STK32C: variants seen among roughly 807,000 people sequenced by gnomAD.
The protein encoded by STK32C is serine/threonine-protein kinase 32C.
Under a neutral mutation model 56.5 loss-of-function variants are expected in STK32C, and 31 were observed. The ratio of observed to expected loss-of-function variants is 0.55; its 90% CI spans 0.41 to 0.74. STK32C has a LOEUF of 0.74. Among genes scored for constraint, STK32C ranks in the 30% least tolerant of loss-of-function variants. STK32C has a pLI of 0.00. For synonymous variants in STK32C, 309 were observed against 289.4 expected (o/e 1.07, Z -0.69); for missense variants, 544 against 676.9 (o/e 0.80, Z 2.18).
At chr10:132,242,203 C>A (rs528871413) in intron 2 of STK32C, among the ~76,000 whole-genome samples, 1 of 152,186 alleles carries the variant, frequency 6.6e-6, no homozygotes, top group East Asian at 1.9e-4. Context: ...TGCAGACGGC[C>A]TTCAAGCATG....
intron 1 of STK32C, among the ~76,000 whole-genome samples, chr10:132,268,560 TGCCTGC>T (rs2064687839): frequency 2.8e-5 from 4 of 141,996 alleles, no homozygotes; most frequent in South Asian, 2.3e-4. Flanking sequence ...TGTGTGTGTG[TGCCTGC>T]GTGTGTACAT....
chr10:132,252,953 G>A (rs1244526656), intron 1 of STK32C, among the ~76,000 whole-genome samples: 1 of 152,106 alleles, frequency 6.6e-6, no homozygotes, highest in African/African-American at 2.4e-5. Context: ...CACCTCCCAC[G>A]GTGTCCGGCA....
intron 8 of STK32C, 57 bp downstream of exon 8, chr10:132,224,350 A>T: frequency 1.5e-6 from 2 of 1,310,598 alleles, no homozygotes; most frequent in Non-Finnish European, 2.1e-6. Context: ...GCCGCAGGTA[A>T]GTGAGGGAGG....
At chr10:132,261,959 C>T (rs2064318852) in intron 1 of STK32C, among the ~76,000 whole-genome samples, 1 of 152,082 alleles carries the variant, frequency 6.6e-6, no homozygotes, top group African/African-American at 2.4e-5. Flanking sequence ...AATTCACATG[C>T]AACCAAAAAT....
chr10:132,208,032 C>G lies in STK32C; in HGVS notation c.1439G>C (p.Cys480Ser). The G allele has an allele frequency of 7.6e-7, 1 of 1,310,528 alleles. No homozygotes were observed. Among genetic ancestry groups the G allele is most frequent in the Non-Finnish European group, 9.8e-7 (1 of 1,022,234 alleles). The allele number at this position is 1,310,528 out of a possible 1,614,324, so 81.2% of individuals were successfully genotyped here. A position where few individuals can be genotyped will look rare whatever the true frequency, so the allele number is the denominator to read the frequency against. ...GGCCTAGCCGCTCCCGGCCGAGGGG[C>G]AAATGGGGCCGCACATGGGCAGGGC... Reference protein sequence around the residue: ...RSALPMCGPICPSAGSG With the variant: ...RSALPMCGPISPSAGSG The change falls in exon 12 of 12, where the codon TGC (cysteine) becomes TCC (serine). Residue 480 changes from cysteine (C) to serine (S), a missense_variant. Cys to Ser is a moderately radical substitution (Grantham distance 112). Around this residue, in one of 3 missense-constraint regions of STK32C, gnomAD observed 277 missense variants for 309.3 expected, o/e 0.90. Coordinates refer to ENST00000298630, the MANE Select transcript of STK32C (RefSeq NM_173575.4).
chr10:132,223,863 C>T (rs955937340), intron 8 of STK32C, among the ~76,000 whole-genome samples: 5 of 152,224 alleles, frequency 3.3e-5, no homozygotes, highest in Non-Finnish European at 7.3e-5. Flanking sequence ...CCAGTCAAGG[C>T]ACAGCCCCAG....
At chr10:132,261,519 C>T (rs965527261) in intron 1 of STK32C, among the ~76,000 whole-genome samples, 7 of 152,224 alleles carry the variant, frequency 4.6e-5, no homozygotes, top group Non-Finnish European at 5.9e-5. Flanking sequence ...AATCCCAGCA[C>T]TTTGGGAGGC....
upstream of STK32C, among the ~76,000 whole-genome samples, chr10:132,311,925 C>T (rs1417881742): frequency 6.6e-6 from 1 of 152,166 alleles, no homozygotes; most frequent in Non-Finnish European, 1.5e-5. The surrounding 1 kb of genome is among the most constrained non-coding windows in gnomAD (Gnocchi z 4.4). Flanking sequence ...TAACCCACCA[C>T]ATCCATGGGC....
rs574218921 is a variant in STK32C, at chr10:132,212,956, T to A, written c.1252-3855A>T. 1.1e-4 allele frequency among the ~76,000 whole-genome samples: 16 copies of A among 152,332 alleles called. No individual in the cohort carries two copies. The East Asian group carries it at 1.2e-3, about 11-fold the overall frequency. ...ACTGATGGTGTGTGGGAACACCTCC[T>A]GGGCAGCTCTGGGGAGCGGCCGGGG... is the stretch of plus-strand genomic sequence containing the variant. On this transcript the variant is annotated intron_variant, in intron 10 of 11. Coordinates refer to ENST00000298630, the MANE Select transcript of STK32C (RefSeq NM_173575.4).
chr10:132,290,567 G>A (rs896821784), intron 1 of STK32C, among the ~76,000 whole-genome samples: 2 of 152,218 alleles, frequency 1.3e-5, no homozygotes, highest in African/African-American at 2.4e-5. Context: ...TCATCTGACT[G>A]TTCTGACGTT....
chr10:132,286,896 T>C (rs1308801119), intron 1 of STK32C, among the ~76,000 whole-genome samples: 1 of 152,040 alleles, frequency 6.6e-6, no homozygotes. Flanking sequence ...TCCCAGAGAG[T>C]GCAATGAGGC....
intron 10 of STK32C, among the ~76,000 whole-genome samples, chr10:132,209,705 C>T (rs983444773): frequency 3.3e-5 from 5 of 152,164 alleles, no homozygotes; most frequent in South Asian, 2.1e-4. Flanking sequence ...GGGTGCTGGC[C>T]GCTCAGCGCT....
intron 1 of STK32C, among the ~76,000 whole-genome samples, chr10:132,301,320 A>G (rs1240739118): frequency 1.3e-5 from 2 of 152,172 alleles, no homozygotes; most frequent in Non-Finnish European, 2.9e-5. Flanking sequence ...CTTCCCAACC[A>G]GGAAGAGACA....
At chr10:132,288,700 T>A (rs150960436) in intron 1 of STK32C, among the ~76,000 whole-genome samples, 1 of 152,178 alleles carries the variant, frequency 6.6e-6, no homozygotes, top group Non-Finnish European at 1.5e-5. Flanking sequence ...ACTAAAATAA[T>A]GCCAGTTACA....
chr10:132,254,760 A>G (rs2818403), intron 1 of STK32C, among the ~76,000 whole-genome samples: 46,000 of 90,864 alleles, frequency 0.51, 14,357 homozygotes, highest in East Asian at 0.65. Flanking sequence ...GGCGCCGGGA[A>G]TCAGCACTAT....
intron 11 of STK32C, among the ~76,000 whole-genome samples, 159 bp downstream of exon 11, chr10:132,208,875 C>T (rs572387805): frequency 3.3e-5 from 5 of 152,296 alleles, no homozygotes; most frequent in African/African-American, 9.6e-5. Context: ...AGGGGCCTCC[C>T]GCCGCTCCCC....
chr10:132,248,388 G>C (rs998197982), intron 1 of STK32C, among the ~76,000 whole-genome samples: 4 of 152,222 alleles, frequency 2.6e-5, no homozygotes, highest in Non-Finnish European at 5.9e-5. Flanking sequence ...CAGTGGGGAG[G>C]GGACAGGGTG....
chr10:132,210,757 T>C (rs1310382109), intron 10 of STK32C, among the ~76,000 whole-genome samples: 1 of 152,210 alleles, frequency 6.6e-6, no homozygotes, highest in Non-Finnish European at 1.5e-5. Flanking sequence ...AGCATAGGGC[T>C]CAACACATTT....
At chr10:132,294,776 A>C (rs899345914) in intron 1 of STK32C, among the ~76,000 whole-genome samples, 17 of 152,198 alleles carry the variant, frequency 1.1e-4, no homozygotes, top group East Asian at 7.7e-4. Flanking sequence ...TCTTCCCCCC[A>C]GAGCCCCGGG....
Sources: gnomAD v4.1 joint callset for allele counts (sites outside exome capture counted in the v4.1 genomes callset) on GRCh38, gnomAD v4.1.1 for gene constraint, gnomAD v4.1.1 regional missense constraint, Gnocchi (gnomAD v3.1) non-coding constraint, MANE v1.5 for transcripts, NCBI Gene and HGNC (gene_info 2026-07-23, HGNC 2026-07-21) for gene names.